Variants in EIF4G3 observed in about 807,000 individuals in gnomAD.
EIF4G3 encodes eukaryotic translation initiation factor 4 gamma 3.
In EIF4G3, 34 loss-of-function variants were observed where a neutral mutation model predicts 186.4. That is an observed-to-expected ratio of 0.18 (90% confidence interval 0.14 to 0.24). The LOEUF is 0.24. EIF4G3 is among the 10% of genes least tolerant of loss of function. The pLI, the probability that EIF4G3 is intolerant of heterozygous loss-of-function variation, is 1.00. For synonymous variants in EIF4G3, 673 were observed against 679.5 expected (o/e 0.99, Z 0.15); for missense variants, 1,536 against 1,948.5 (o/e 0.79, Z 3.99).
Position 20,942,534 on chromosome 1 carries a change from A to C in EIF4G3, c.824-204T>G, listed in dbSNP as rs550098791. Among the ~76,000 whole-genome samples, 299 of 152,298 alleles carry C rather than the reference A, an allele frequency of 2.0e-3. 1 individual carries two copies. Among genetic ancestry groups the C allele is most frequent in the African/African-American group, 6.6e-3 (276 of 41,560 alleles). The stretch of plus-strand genomic sequence containing the variant: ...TATTTACTTGGTATCCAATACATAA[A>C]GTCTGTTTTGGAGTAAGAGAAGGAA... On this transcript the variant is annotated intron_variant, in intron 13 of 36. Coordinates refer to ENST00000602326, the MANE Select transcript of EIF4G3 (RefSeq NM_001391906.1).
intron 2 of EIF4G3, among the ~76,000 whole-genome samples, chr1:21,159,681 A>G (rs758354382): frequency 1.3e-5 from 2 of 152,200 alleles, no homozygotes; most frequent in African/African-American, 2.4e-5. Flanking sequence ...TGGAGGCTGC[A>G]GTGAGCCAGG....
chr1:21,143,320 G>A (rs1048349466), intron 2 of EIF4G3, among the ~76,000 whole-genome samples: 4 of 149,804 alleles, frequency 2.7e-5, no homozygotes, highest in Non-Finnish European at 5.9e-5. Flanking sequence ...GAAAGAGAAA[G>A]GAGAGCAAAG....
intron 22 of EIF4G3, among the ~76,000 whole-genome samples, chr1:20,862,794 A>G (rs2076647457): frequency 6.6e-6 from 1 of 152,124 alleles, no homozygotes; most frequent in Non-Finnish European, 1.5e-5. Context: ...TATTTTTTTG[A>G]GACAGGGTCT....
At chr1:21,168,644 T>C (rs2097902719) in intron 2 of EIF4G3, among the ~76,000 whole-genome samples, 2 of 151,954 alleles carry the variant, frequency 1.3e-5, no homozygotes, top group Admixed American at 1.3e-4. Context: ...CAGGCTGGTC[T>C]CAAATTCCTA....
intron 2 of EIF4G3, among the ~76,000 whole-genome samples, chr1:21,118,305 A>G (rs1050107884): frequency 6.6e-6 from 1 of 152,088 alleles, no homozygotes; most frequent in African/African-American, 2.4e-5. Context: ...GTGGATCATA[A>G]CTATTTTCCT....
At chr1:20,893,033 G>A (rs763264105) in intron 18 of EIF4G3, 18 of 297,182 alleles carry the variant, frequency 6.1e-5, no homozygotes, top group South Asian at 2.5e-4. Context: ...TCAGTCTCCC[G>A]AGTAGCTGGG....
intron 2 of EIF4G3, among the ~76,000 whole-genome samples, chr1:21,131,628 A>G (rs2097156516): frequency 6.6e-6 from 1 of 152,224 alleles, no homozygotes; most frequent in Non-Finnish European, 1.5e-5. Context: ...AACAGGTAAG[A>G]ATTACAGCAG....
intron 3 of EIF4G3, among the ~76,000 whole-genome samples, chr1:21,078,482 G>C (rs2095658291): frequency 6.6e-6 from 1 of 152,194 alleles, no homozygotes; most frequent in Non-Finnish European, 1.5e-5. Flanking sequence ...ATGAAGACTG[G>C]TTGGTTAATG....
At chr1:21,058,255 A>G (rs970884278) in intron 3 of EIF4G3, among the ~76,000 whole-genome samples, 2 of 152,182 alleles carry the variant, frequency 1.3e-5, no homozygotes, top group African/African-American at 4.8e-5. Flanking sequence ...GGAAAACGAT[A>G]AGAGAATGGC....
chr1:20,952,501 A>G (rs1297326326), intron 12 of EIF4G3, among the ~76,000 whole-genome samples: 1 of 152,150 alleles, frequency 6.6e-6, no homozygotes, highest in Admixed American at 6.5e-5. Context: ...AATTTAGGAT[A>G]ATCTTGTCAA....
intron 32 of EIF4G3, among the ~76,000 whole-genome samples, chr1:20,825,429 C>T (rs1346825355): frequency 6.6e-6 from 1 of 151,988 alleles, no homozygotes; most frequent in African/African-American, 2.4e-5. Flanking sequence ...GCCCAGGCAA[C>T]ACACACAGCA....
intron 30 of EIF4G3, 77 bp from the exon 31 acceptor site, chr1:20,829,349 A>T: frequency 6.5e-7 from 1 of 1,531,596 alleles, no homozygotes; most frequent in Non-Finnish European, 8.9e-7. Flanking sequence ...ATAAAAAATC[A>T]GTCAACAAAT....
chr1:20,948,443 C>A (rs533046863), intron 13 of EIF4G3, among the ~76,000 whole-genome samples: 1 of 152,264 alleles, frequency 6.6e-6, no homozygotes, highest in South Asian at 2.1e-4. Flanking sequence ...CACTAACTAT[C>A]TTTTGGTTTA....
At chr1:20,913,475 T>G (rs1178675950) in intron 14 of EIF4G3, among the ~76,000 whole-genome samples, 1 of 152,058 alleles carries the variant, frequency 6.6e-6, no homozygotes, top group African/African-American at 2.4e-5. Context: ...GGGTTGATGG[T>G]TATATGATCG....
chr1:20,953,133 C>A (rs1403200219), intron 12 of EIF4G3, among the ~76,000 whole-genome samples: 1 of 152,082 alleles, frequency 6.6e-6, no homozygotes, highest in Non-Finnish European at 1.5e-5. Context: ...CTTATAAAAT[C>A]ATTCTGGAAA....
intron 3 of EIF4G3, among the ~76,000 whole-genome samples, chr1:21,083,452 A>G (rs980260753): frequency 6.6e-6 from 1 of 151,174 alleles, no homozygotes; most frequent in African/African-American, 2.4e-5. Flanking sequence ...TGCTAGGATT[A>G]CAGGCGTCAG....
chr1:20,940,622 A>C (rs2095677483), intron 14 of EIF4G3, among the ~76,000 whole-genome samples: 1 of 152,218 alleles, frequency 6.6e-6, no homozygotes, highest in Non-Finnish European at 1.5e-5. Context: ...AAAAAGCCCA[A>C]TTTACATACG....
chr1:20,886,647 A>C (rs1472503505), intron 18 of EIF4G3, among the ~76,000 whole-genome samples: 1 of 152,196 alleles, frequency 6.6e-6, no homozygotes, highest in African/African-American at 2.4e-5. Context: ...ACTAGTCCTA[A>C]TTTAAGCTTA....
chr1:21,005,520 TAG>T (rs1426902380), intron 4 of EIF4G3, among the ~76,000 whole-genome samples: 1 of 152,158 alleles, frequency 6.6e-6, no homozygotes, highest in Admixed American at 6.5e-5. Flanking sequence ...ACTATTGAAA[TAG>T]AAAGGGAATC....
Sources: allele counts gnomAD v4.1 joint callset (sites outside exome capture counted in the v4.1 genomes callset), GRCh38; gene constraint gnomAD v4.1.1; transcripts MANE v1.5; gene names NCBI Gene and HGNC (gene_info 2026-07-23, HGNC 2026-07-21).